COX6B1: variants seen among roughly 807,000 people sequenced by gnomAD.
COX6B1 encodes cytochrome c oxidase subunit 6B1, also known as COX VIb-1.
COX6B1 carries 2 observed loss-of-function variants against 14.0 expected under a neutral mutation model. That is an observed-to-expected ratio of 0.14 (90% confidence interval 0.06 to 0.45). The LOEUF (loss-of-function observed/expected upper bound fraction) is 0.45, where lower values mean the gene tolerates loss of function less well. Among genes scored for constraint, COX6B1 ranks in the 20% least tolerant of loss-of-function variants. The probability of loss-of-function intolerance (pLI) is 0.98; values close to 1 mark genes in which losing one functional copy is unlikely to be tolerated. For missense variants in COX6B1, 81 were observed against 114.2 expected (o/e 0.71, Z 1.33); for synonymous variants, 30 against 39.7 (o/e 0.76, Z 0.92).
intron 2 of COX6B1, among the ~76,000 whole-genome samples, chr19:35,653,216 AC>A (rs1244174817): frequency 7.2e-6 from 1 of 138,904 alleles, no homozygotes; most frequent in Non-Finnish European, 1.5e-5. Flanking sequence ...CTCGTGATCC[AC>A]CCCCCTCAGC....
chr19:35,648,858 C>T (rs773998392), intron 1 of COX6B1: 5 of 533,382 alleles, frequency 9.4e-6, no homozygotes, highest in South Asian at 7.0e-5. Context: ...GGGGCCGCAG[C>T]GTCATCTCCG....
In COX6B1 at chr19:35,651,311, A is replaced by G. The variant is rs971832338; in HGVS notation, c.68A>G (p.Asn23Ser). ...GCCCCTTTTGACAGCCGCTTCCCCA[A>G]CCAGAACCAGACTAGAAACTGCTGG... is the stretch of plus-strand genomic sequence containing the variant. ...KTAPFDSRFPNQNQTRNCWQN... is the reference protein window; with the variant it reads ...KTAPFDSRFPSQNQTRNCWQN... Residue 23 changes from asparagine (N) to serine (S), a missense_variant, in exon 2 of 4, where the codon AAC (asparagine) becomes AGC (serine). Transcript: ENST00000649813. The G allele has an allele frequency of 3.7e-6, 6 of 1,613,892 alleles. No homozygotes were observed. The highest frequency in any genetic ancestry group is 3.4e-6 in the Non-Finnish European group (4 of 1,179,960).
At chr19:35,648,711 C>T (rs1967788579) in intron 1 of COX6B1, 2 of 411,770 alleles carry the variant, frequency 4.9e-6, no homozygotes, top group South Asian at 3.5e-5. Flanking sequence ...TGAACCTACA[C>T]AGCGACCAGG....
intron 1 of COX6B1, chr19:35,648,880 T>A: frequency 1.9e-6 from 1 of 533,446 alleles, no homozygotes; most frequent in Non-Finnish European, 3.8e-6. Context: ...TGCACCCTCA[T>A]CCTCAGATAC....
At chr19:35,654,371 G>A (rs1225373042) in intron 2 of COX6B1, among the ~76,000 whole-genome samples, 200 bp from the exon 3 acceptor site, 1 of 152,120 alleles carries the variant, frequency 6.6e-6, no homozygotes, top group Admixed American at 6.6e-5. Flanking sequence ...TGGGCATGGT[G>A]GCAGGTGCCT....
intron 2 of COX6B1, among the ~76,000 whole-genome samples, chr19:35,652,265 A>C (rs1276353025): frequency 1.3e-5 from 2 of 151,632 alleles, no homozygotes; most frequent in Non-Finnish European, 2.9e-5. Context: ...TCCTGACCTC[A>C]GGTGATCCAC....
At chr19:35,648,504 G>T (rs1967786481) in intron 1 of COX6B1, 101 bp downstream of exon 1, 1 of 218,146 alleles carries the variant, frequency 4.6e-6, no homozygotes, top group African/African-American at 2.4e-5. Flanking sequence ...GGCTGGCGGC[G>T]TCCGGCCTCC....
At chr19:35,652,223 G>T (rs899736742) in intron 2 of COX6B1, among the ~76,000 whole-genome samples, 6 of 151,088 alleles carry the variant, frequency 4.0e-5, no homozygotes, top group African/African-American at 1.5e-4. Context: ...TAGAGACGGG[G>T]TTTCTCCATG....
intron 2 of COX6B1, among the ~76,000 whole-genome samples, chr19:35,652,282 C>T (rs557045602): frequency 3.3e-5 from 5 of 152,050 alleles, no homozygotes; most frequent in South Asian, 2.1e-4. Context: ...CCACCCGCCT[C>T]GGCCTCCCAA....
intron 3 of COX6B1, among the ~76,000 whole-genome samples, chr19:35,656,771 A>G (rs913020826): frequency 3.3e-5 from 5 of 152,172 alleles, no homozygotes; most frequent in Admixed American, 6.6e-5. Context: ...GTGAGCCACC[A>G]CGCCCAGCCA....
intron 2 of COX6B1, among the ~76,000 whole-genome samples, chr19:35,651,850 C>T (rs1440126018): frequency 6.6e-6 from 1 of 151,968 alleles, no homozygotes; most frequent in Non-Finnish European, 1.5e-5. Flanking sequence ...TAGGTGTGAG[C>T]CACCGTGCCT....
Position 35,654,689 on chromosome 19 carries a change from G to T in COX6B1, c.207+18G>T. 6.2e-7 allele frequency: 1 copy of T among 1,611,656 alleles called. No homozygotes were observed. Reference sequence around the variant, plus strand: ...CATCCTGGGTATGTGCCTCCTGCCAGGGCCCTTGGGATGCTGGGGTGGGGT... The same window carrying T: ...CATCCTGGGTATGTGCCTCCTGCCATGGCCCTTGGGATGCTGGGGTGGGGT... On this transcript the variant is annotated intron_variant, in intron 3 of 3. Transcript: ENST00000649813.
At chr19:35,652,440 T>G (rs997160625) in intron 2 of COX6B1, among the ~76,000 whole-genome samples, 5 of 151,902 alleles carry the variant, frequency 3.3e-5, no homozygotes, top group African/African-American at 7.3e-5. Context: ...TTTTGGTTTT[T>G]GTTTTTGAGA....
Position 35,658,687 on chromosome 19 carries a change from C to T in COX6B1, c.*40C>T. On this transcript the variant is annotated 3_prime_UTR_variant, in exon 4 of 4. Transcript: ENST00000649813. Reference sequence around the variant, plus strand: ...CCTTTCCTCTGTCCTCCATCCTTCTCCCAGGATGGTGAAGGGGGACCTGGT... The same window carrying T: ...CCTTTCCTCTGTCCTCCATCCTTCTTCCAGGATGGTGAAGGGGGACCTGGT... 6.3e-7 allele frequency: 1 copy of T among 1,581,294 alleles called. No homozygotes were observed. The highest frequency in any genetic ancestry group is 8.7e-7 in the Non-Finnish European group (1 of 1,150,248).
At chr19:35,657,025 T>C (rs1967895352) in intron 3 of COX6B1, among the ~76,000 whole-genome samples, 1 of 152,118 alleles carries the variant, frequency 6.6e-6, no homozygotes, top group Non-Finnish European at 1.5e-5. Flanking sequence ...GCACCAGGGA[T>C]GAGCTTCATG....
chr19:35,649,644 A>C (rs1347788682), intron 1 of COX6B1, among the ~76,000 whole-genome samples: 1 of 151,734 alleles, frequency 6.6e-6, no homozygotes, highest in East Asian at 1.9e-4. Flanking sequence ...ATGCCCAGCT[A>C]ATTTTTTGTA....
At chr19:35,657,649 C>CTTTTTTTTT (rs1967900770) in intron 3 of COX6B1, among the ~76,000 whole-genome samples, 1 of 120,984 alleles carries the variant, frequency 8.3e-6, no homozygotes, top group African/African-American at 3.2e-5. Flanking sequence ...TGGGCCTTTT[C>CTTTTTTTTT]ATTTTTTTTT....
chr19:35,650,515 C>A (rs1181556846), intron 1 of COX6B1, among the ~76,000 whole-genome samples: 1 of 152,016 alleles, frequency 6.6e-6, no homozygotes, highest in African/African-American at 2.4e-5. Context: ...AGTTGGAGAG[C>A]AGTCTGACCA....
At chr19:35,648,826 A>C (rs747573439) in intron 1 of COX6B1, 2 of 532,888 alleles carry the variant, frequency 3.8e-6, no homozygotes, top group Non-Finnish European at 7.7e-6. Flanking sequence ...TGTCCAGTCC[A>C]TCCTCCCTTT....
Sources: gnomAD v4.1 joint callset for allele counts (sites outside exome capture counted in the v4.1 genomes callset) on GRCh38, gnomAD v4.1.1 for gene constraint, MANE v1.5 for transcripts, NCBI Gene and HGNC (gene_info 2026-07-23, HGNC 2026-07-21) for gene names.